Variants in POC1A observed in about 807,000 individuals in gnomAD.
The protein encoded by POC1A is POC1 centriolar protein A.
A neutral mutation model predicts 47.8 loss-of-function variants in POC1A; 34 were observed. The observed-to-expected ratio is 0.71, with a 90% CI of 0.54 to 0.95. The LOEUF is 0.95. Ranked by LOEUF, POC1A falls within the 40% of genes least tolerant of loss-of-function variation. POC1A has a pLI of 0.00. For missense variants in POC1A, 466 were observed against 528.3 expected (o/e 0.88, Z 1.16); for synonymous variants, 177 against 207.6 (o/e 0.85, Z 1.27).
chr3:52,085,489 T>TATGCTGCCCACCA (rs1449754085), intron 10 of POC1A, among the ~76,000 whole-genome samples: 3 of 152,348 alleles, frequency 2.0e-5, no homozygotes, highest in African/African-American at 7.2e-5. Flanking sequence ...CTCCAGGCCC[T>TATGCTGCCCACCA]ATGCTGCCCA....
At chr3:52,097,520 C>T (rs767257981) in intron 9 of POC1A, among the ~76,000 whole-genome samples, 1 of 152,176 alleles carries the variant, frequency 6.6e-6, no homozygotes, top group Non-Finnish European at 1.5e-5. Context: ...GTTCAGTGGG[C>T]GGGATGCTGG....
intron 9 of POC1A, among the ~76,000 whole-genome samples, chr3:52,113,222 T>C (rs1577859709): frequency 6.6e-6 from 1 of 152,362 alleles, no homozygotes. Context: ...TTATTTAACA[T>C]GTACCTAGTA....
intron 9 of POC1A, among the ~76,000 whole-genome samples, chr3:52,112,903 G>A (rs557322816): frequency 6.6e-6 from 1 of 152,296 alleles, no homozygotes; most frequent in East Asian, 1.9e-4. Flanking sequence ...TTCTCCAAGT[G>A]AGTCCCTGGA....
At chr3:52,145,206 A>C (rs1698323806) in intron 6 of POC1A, among the ~76,000 whole-genome samples, 1 of 151,720 alleles carries the variant, frequency 6.6e-6, no homozygotes, top group Admixed American at 6.6e-5. Context: ...CTCTCAGCGA[A>C]CTCATCCTGG....
At chr3:52,146,945 T>A (rs377655408) in intron 5 of POC1A, 43 bp downstream of exon 5, 1 of 1,512,344 alleles carries the variant, frequency 6.6e-7, no homozygotes, top group Admixed American at 1.7e-5. Context: ...CTGTGCTCTG[T>A]GCTTGAGCGC....
chr3:52,110,852 G>A (rs1299205761), intron 9 of POC1A, among the ~76,000 whole-genome samples: 1 of 152,244 alleles, frequency 6.6e-6, no homozygotes, highest in African/African-American at 2.4e-5. Flanking sequence ...ACATGTGGAA[G>A]CTCCAATAAC....
At chr3:52,102,943 T>C (rs565539707) in intron 9 of POC1A, among the ~76,000 whole-genome samples, 1 of 152,292 alleles carries the variant, frequency 6.6e-6, no homozygotes, top group East Asian at 1.9e-4. Context: ...GGAATCACAC[T>C]ACATGATTTC....
At chr3:52,106,725 C>T (rs1420737820) in intron 9 of POC1A, among the ~76,000 whole-genome samples, 1 of 152,174 alleles carries the variant, frequency 6.6e-6, no homozygotes, top group African/African-American at 2.4e-5. Context: ...GTGTTGCTCG[C>T]AGGCCTTGGG....
chr3:52,122,971 G>T (rs1489130219), intron 8 of POC1A, among the ~76,000 whole-genome samples: 1 of 152,252 alleles, frequency 6.6e-6, no homozygotes, highest in African/African-American at 2.4e-5. Flanking sequence ...GGCCTGGCCT[G>T]TTACACTGTG....
chr3:52,083,192 G>A (rs916454363), intron 10 of POC1A, among the ~76,000 whole-genome samples: 2 of 152,132 alleles, frequency 1.3e-5, no homozygotes, highest in Admixed American at 1.3e-4. Context: ...CCCTCCAGCT[G>A]GCAAGAGGCA....
chr3:52,138,642 A>G (rs1698073901), intron 6 of POC1A, among the ~76,000 whole-genome samples: 2 of 152,220 alleles, frequency 1.3e-5, no homozygotes, highest in South Asian at 4.1e-4. Flanking sequence ...CAAACATACA[A>G]ACATAGCCTT....
At chr3:52,109,106 C>T (rs904328334) in intron 9 of POC1A, among the ~76,000 whole-genome samples, 6 of 152,154 alleles carry the variant, frequency 3.9e-5, no homozygotes, top group African/African-American at 1.4e-4. Flanking sequence ...AACCATGGGT[C>T]GGGGAAGGGG....
intron 9 of POC1A, among the ~76,000 whole-genome samples, chr3:52,108,502 C>T (rs1703265787): frequency 1.3e-5 from 2 of 152,160 alleles, no homozygotes; most frequent in African/African-American, 4.8e-5. Flanking sequence ...CAAAGGCTGG[C>T]TATTTTAAAC....
intron 7 of POC1A, among the ~76,000 whole-genome samples, chr3:52,137,518 A>C (rs561825854): frequency 6.6e-6 from 1 of 152,216 alleles, no homozygotes; most frequent in South Asian, 2.1e-4. Context: ...GGGCTCGGAC[A>C]CTACTTCCTA....
chr3:52,096,924 G>A (rs1388508079), intron 9 of POC1A, among the ~76,000 whole-genome samples: 1 of 152,236 alleles, frequency 6.6e-6, no homozygotes, highest in East Asian at 1.9e-4. Flanking sequence ...GTGGGGAGTG[G>A]AATCAGAATG....
rs976291618 is a variant in POC1A at position 52,084,170 on chromosome 3, C to G, written c.1126-8185G>C. Among the ~76,000 whole-genome samples, 5 of 152,198 alleles carry G rather than the reference C, an allele frequency of 3.3e-5. No individual in the cohort carries two copies. Among genetic ancestry groups the G allele is most frequent in the Non-Finnish European group, 5.9e-5 (4 of 68,028 alleles). On this transcript the variant is annotated intron_variant, in intron 10 of 10. Coordinates refer to ENST00000296484, the MANE Select transcript of POC1A (RefSeq NM_015426.5). The surrounding 1 kb of genome is among the most constrained non-coding windows in gnomAD (Gnocchi z 4.3). ...AGGAACTGACCACAGCCACCTGGTC[C>G]TACAGTCCATGAAACGGAAGTGAAT... is the stretch of plus-strand genomic sequence containing the variant.
intron 9 of POC1A, among the ~76,000 whole-genome samples, chr3:52,113,110 A>G (rs750198494): frequency 6.6e-6 from 1 of 152,228 alleles, no homozygotes; most frequent in Non-Finnish European, 1.5e-5. Flanking sequence ...TCTCTTCACC[A>G]TCACTGCCTG....
intron 10 of POC1A, among the ~76,000 whole-genome samples, chr3:52,080,938 A>G (rs1050885063): frequency 1.3e-5 from 2 of 152,232 alleles, no homozygotes; most frequent in African/African-American, 2.4e-5. Context: ...CTCCCAAGTC[A>G]AGGCCCTCAT....
chr3:52,080,843 C>T (rs188578540), intron 10 of POC1A, among the ~76,000 whole-genome samples: 197 of 152,338 alleles, frequency 1.3e-3, no homozygotes, highest in African/African-American at 4.4e-3. Context: ...CAAGGTACCT[C>T]TCTCTCCCTA....
Sources: allele counts gnomAD v4.1 joint callset (sites outside exome capture counted in the v4.1 genomes callset), GRCh38; gene constraint gnomAD v4.1.1; non-coding constraint Gnocchi (gnomAD v3.1); transcripts MANE v1.5; gene names NCBI Gene and HGNC (gene_info 2026-07-23, HGNC 2026-07-21).